Variants in PCDH9 observed in about 807,000 individuals in gnomAD.
PCDH9 encodes the protein protocadherin 9, also known as protocadherin-9.
PCDH9 carries 24 observed loss-of-function variants against 70.6 expected under a neutral mutation model. That is an observed-to-expected ratio of 0.34 (90% CI 0.25 to 0.48). The LOEUF is 0.48. Ranked by LOEUF, PCDH9 falls within the 20% of genes least tolerant of loss-of-function variation. PCDH9 has a pLI of 0.99. For synonymous variants in PCDH9, 562 were observed against 558.5 expected, an observed-to-expected ratio of 1.01 and a Z score of -0.09; for missense variants, 1,281 against 1,503.6, an observed-to-expected ratio of 0.85 and a Z score of 2.45.
chr13:66,476,196 G>A (rs1022784938), intron 4 of PCDH9, among the ~76,000 whole-genome samples: 3 of 151,936 alleles, frequency 2.0e-5, no homozygotes, highest in African/African-American at 2.4e-5. Flanking sequence ...TATTGTTCAA[G>A]TTTTCCTGAT....
chr13:66,631,396 T>A lies in PCDH9; in HGVS notation c.3154A>T (p.Thr1052Ser). 6.2e-7 allele frequency: 1 copy of A among 1,608,058 alleles called. No homozygotes were observed. The highest frequency in any genetic ancestry group is 8.5e-7 in the Non-Finnish European group (1 of 1,174,630). Residue 1052 changes from threonine to serine, a missense_variant, in exon 4 of 5, where the codon ACG (threonine) becomes TCG (serine). Coordinates refer to ENST00000377865, the MANE Select transcript of PCDH9 (RefSeq NM_203487.3). ...ESHYESQRRV[T>S]FHLPDGSQES... ...TGGGAGCCATCAGGGAGATGAAACG[T>A]AACACGGCGCTGCGACTACAAAGAA...
At chr13:66,567,597 T>G (rs2076671939) in intron 4 of PCDH9, among the ~76,000 whole-genome samples, 1 of 152,174 alleles carries the variant, frequency 6.6e-6, no homozygotes, top group Admixed American at 6.5e-5. Context: ...CTTAAACATT[T>G]ATACTTTTTA....
At chr13:66,666,939 A>C (rs2078104969) in intron 3 of PCDH9, among the ~76,000 whole-genome samples, 1 of 152,158 alleles carries the variant, frequency 6.6e-6, no homozygotes, top group Admixed American at 6.5e-5. Context: ...GAAAAATAAA[A>C]CCTAGATACA....
intron 3 of PCDH9, among the ~76,000 whole-genome samples, chr13:66,747,116 C>A (rs2079379224): frequency 6.6e-6 from 1 of 152,202 alleles, no homozygotes; most frequent in African/African-American, 2.4e-5. Flanking sequence ...CCTTGGGAGG[C>A]AGAGGCGGGT....
At chr13:67,146,690 G>A (rs2087530903) in intron 2 of PCDH9, among the ~76,000 whole-genome samples, 1 of 152,132 alleles carries the variant, frequency 6.6e-6, no homozygotes, top group East Asian at 1.9e-4. Flanking sequence ...AAGCGGCAGT[G>A]GTTACATTAA....
At chr13:67,181,160 G>A (rs1322371348) in intron 2 of PCDH9, among the ~76,000 whole-genome samples, 1 of 152,082 alleles carries the variant, frequency 6.6e-6, no homozygotes, top group African/African-American at 2.4e-5. Flanking sequence ...CTAGATCAGT[G>A]GTTTTCAAAC....
chr13:66,355,489 A>AT (rs950698832), intron 4 of PCDH9, among the ~76,000 whole-genome samples: 4 of 151,516 alleles, frequency 2.6e-5, no homozygotes, highest in African/African-American at 7.3e-5. Context: ...TTTGATGGTG[A>AT]TTTTGTTGTT....
intron 4 of PCDH9, among the ~76,000 whole-genome samples, chr13:66,463,489 GAA>G (rs1301252915): frequency 6.6e-6 from 1 of 151,828 alleles, no homozygotes; most frequent in Non-Finnish European, 1.5e-5. Context: ...AGGAGAGAGA[GAA>G]AACAGAAACA....
chr13:66,491,652 T>C (rs2138534834), intron 4 of PCDH9, among the ~76,000 whole-genome samples: 1 of 152,276 alleles, frequency 6.6e-6, no homozygotes, highest in Admixed American at 6.5e-5. Flanking sequence ...ACTTGTACAC[T>C]GTATCATGTA....
chr13:66,539,099 C>T (rs779328147), intron 4 of PCDH9, among the ~76,000 whole-genome samples: 11 of 151,872 alleles, frequency 7.2e-5, no homozygotes, highest in African/African-American at 9.7e-5. Flanking sequence ...TTATATATTG[C>T]AATATTTACC....
chr13:66,590,202 G>A (rs903538453), intron 4 of PCDH9, among the ~76,000 whole-genome samples: 4 of 151,874 alleles, frequency 2.6e-5, no homozygotes, highest in African/African-American at 7.2e-5. Context: ...CTATTTTTAT[G>A]CATTTATATA....
intron 3 of PCDH9, among the ~76,000 whole-genome samples, chr13:66,719,916 C>A (rs1466208603): frequency 6.6e-6 from 1 of 152,070 alleles, no homozygotes; most frequent in African/African-American, 2.4e-5. Context: ...GATGAAAATA[C>A]CAGTGGTTTA....
intron 2 of PCDH9, among the ~76,000 whole-genome samples, chr13:67,177,859 C>T (rs1204820314): frequency 6.6e-6 from 1 of 152,008 alleles, no homozygotes; most frequent in African/African-American, 2.4e-5. Flanking sequence ...ATAATAATTG[C>T]TCAATAAACA....
chr13:66,927,262 T>C (rs566958617), intron 2 of PCDH9, among the ~76,000 whole-genome samples: 5 of 152,096 alleles, frequency 3.3e-5, no homozygotes, highest in Admixed American at 1.3e-4. Flanking sequence ...TAGGTGGAGC[T>C]GGAGGCCCTT....
chr13:66,375,135 ACTTT>A (rs1956725386), intron 4 of PCDH9, among the ~76,000 whole-genome samples: 1 of 152,140 alleles, frequency 6.6e-6, no homozygotes, highest in Non-Finnish European at 1.5e-5. Flanking sequence ...TAGTATAGTT[ACTTT>A]ATCAAAAGTT....
intron 3 of PCDH9, among the ~76,000 whole-genome samples, chr13:66,693,386 C>A (rs1313302750): frequency 1.3e-5 from 2 of 151,976 alleles, no homozygotes; most frequent in African/African-American, 4.8e-5. Flanking sequence ...AAGATATTTA[C>A]AGAACCCACA....
intron 2 of PCDH9, among the ~76,000 whole-genome samples, chr13:67,089,119 A>T (rs1476900799): frequency 1.3e-5 from 2 of 152,068 alleles, no homozygotes; most frequent in African/African-American, 4.8e-5. Context: ...GGTCATTAAT[A>T]ATGCCTGCAT....
chr13:66,739,187 C>A (rs9599141), intron 3 of PCDH9, among the ~76,000 whole-genome samples: 78,558 of 136,154 alleles, frequency 0.58, 23,817 homozygotes, highest in Non-Finnish European at 0.7. Context: ...GGCCAATATT[C>A]AACATTCTTA....
chr13:67,169,855 C>A (rs1437757438), intron 2 of PCDH9, among the ~76,000 whole-genome samples: 1 of 152,164 alleles, frequency 6.6e-6, no homozygotes, highest in Non-Finnish European at 1.5e-5. Flanking sequence ...CTAAAAGACT[C>A]ACATGAGTCT....
Sources: gnomAD v4.1 joint callset for allele counts (sites outside exome capture counted in the v4.1 genomes callset) on GRCh38, gnomAD v4.1.1 for gene constraint, MANE v1.5 for transcripts, NCBI Gene and HGNC (gene_info 2026-07-23, HGNC 2026-07-21) for gene names.